MSR1: variants seen among roughly 807,000 people sequenced by gnomAD.
The protein encoded by MSR1 is macrophage scavenger receptor types I and II.
A neutral mutation model predicts 47.2 loss-of-function variants in MSR1; 53 were observed. That is an observed-to-expected ratio of 1.12 (90% CI 0.90 to 1.41). MSR1 has a LOEUF of 1.41. MSR1 is among the 40% of genes most tolerant of loss of function. The pLI, the probability that MSR1 is intolerant of heterozygous loss-of-function variation, is 0.00. For missense variants in MSR1, 786 were observed against 546.9 expected (o/e 1.44, Z -4.36); for synonymous variants, 239 against 185.6 (o/e 1.29, Z -2.34).
rs1801191926 is a variant in MSR1, at chr8:16,162,570, G to A, written c.817+1495C>T. Among the ~76,000 whole-genome samples, 14 of 152,140 alleles carry A rather than the reference G, an allele frequency of 9.2e-5. No individual in the cohort carries two copies. The South Asian group carries it at 2.9e-3, about 32-fold the overall frequency. ...ACCAAGATGGTTGTAGATAAAGAAA[G>A]GCAGATTTATTAACAAAAGCAGGAA... On this transcript the variant is annotated intron_variant, in intron 5 of 9. Transcript: ENST00000262101.
At chr8:16,120,830 ATC>A (rs1799987432) in intron 8 of MSR1, 1 of 584,236 alleles carries the variant, frequency 1.7e-6, no homozygotes, top group African/African-American at 1.9e-5. Context: ...GCAAAATCCA[ATC>A]TGTCTTACAT....
At chr8:16,137,623 C>T (rs1320732596) in intron 8 of MSR1, among the ~76,000 whole-genome samples, 2 of 152,016 alleles carry the variant, frequency 1.3e-5, no homozygotes, top group Non-Finnish European at 2.9e-5. Flanking sequence ...CAGTAAGCCA[C>T]AGTTTATAAT....
In MSR1 at chr8:16,137,432, TTCTCTC is replaced by T. The variant is rs137898381; in HGVS notation, c.1033+6120_1033+6125del. On this transcript the variant is annotated intron_variant, in intron 8 of 9. Coordinates refer to ENST00000262101, the MANE Select transcript of MSR1 (RefSeq NM_138715.3). The stretch of plus-strand genomic sequence containing the variant: ...TTACAAATTTCTTCCTTTTCTGCCT[TTCTCTC>T]TCTCTATCTATCTCTTTCTCTCTTT... Among the ~76,000 whole-genome samples the T allele has an allele frequency of 7.2e-4, 109 of 152,070 alleles. 1 individual carries two copies. The highest frequency in any genetic ancestry group is 1.4e-3 in the Non-Finnish European group (96 of 67,960).
chr8:16,118,391 T>G (rs1013048552), intron 9 of MSR1, among the ~76,000 whole-genome samples: 4 of 152,192 alleles, frequency 2.6e-5, no homozygotes, highest in African/African-American at 9.6e-5. Context: ...AAATGGTCTT[T>G]CATTCTGTGG....
intron 8 of MSR1, chr8:16,120,814 T>C: frequency 1.6e-6 from 1 of 634,700 alleles, no homozygotes; most frequent in South Asian, 2.1e-5. Flanking sequence ...TTAACAGCTG[T>C]TAAGAGCAAA....
intron 3 of MSR1, among the ~76,000 whole-genome samples, chr8:16,174,593 A>G (rs1801585758): frequency 6.6e-6 from 1 of 152,170 alleles, no homozygotes; most frequent in South Asian, 2.1e-4. Flanking sequence ...TTTCTTTGAG[A>G]AGATACTATC....
intron 9 of MSR1, among the ~76,000 whole-genome samples, chr8:16,117,348 G>T (rs1198543264): frequency 6.6e-6 from 1 of 152,150 alleles, no homozygotes; most frequent in African/African-American, 2.4e-5. Flanking sequence ...TGATGCTAGA[G>T]CTGGGGAGCG....
At chr8:16,170,671 A>C (rs533962161) in intron 3 of MSR1, among the ~76,000 whole-genome samples, 53 of 152,296 alleles carry the variant, frequency 3.5e-4, no homozygotes, top group Admixed American at 1.1e-3. Context: ...TGAGAATTAA[A>C]CAACACATGA....
intron 3 of MSR1, among the ~76,000 whole-genome samples, chr8:16,170,964 C>T (rs548963318): frequency 3.5e-4 from 54 of 152,150 alleles, no homozygotes; most frequent in South Asian, 8.3e-4. Context: ...CAGAGTCCAC[C>T]GTATTTACTA....
chr8:16,188,264 T>A (rs1802060168), intron 1 of MSR1, among the ~76,000 whole-genome samples: 1 of 152,098 alleles, frequency 6.6e-6, no homozygotes, highest in Admixed American at 6.6e-5. Context: ...CTTTTTTGTT[T>A]TTATTATAAA....
chr8:16,126,279 T>C (rs2117074544), intron 8 of MSR1, among the ~76,000 whole-genome samples: 1 of 152,276 alleles, frequency 6.6e-6, no homozygotes, highest in South Asian at 2.1e-4. Context: ...ATGTGTCAAT[T>C]ACCACTACTC....
chr8:16,189,454 TATTTTA>T lies in MSR1; in HGVS notation c.-5+3138_-5+3143del, dbSNP rs1310744633. 6.1e-4 allele frequency among the ~76,000 whole-genome samples: 23 copies of T among 37,518 alleles called. 1 individual carries two copies. The highest frequency in any genetic ancestry group is 1.5e-3 in the African/African-American group (8 of 5,190). The allele number at this position is 37,518 out of a possible 152,430, so 24.6% of individuals were successfully genotyped here. On this transcript the variant is annotated intron_variant, in intron 1 of 9. Transcript: ENST00000262101. ...ATCATATTTTATATATATAAAATCT[TATTTTA>T]TATATATTTTATATATTTTATATAT...
At chr8:16,145,444 T>G (rs1292715498) in intron 7 of MSR1, among the ~76,000 whole-genome samples, 1 of 152,168 alleles carries the variant, frequency 6.6e-6, no homozygotes, top group East Asian at 1.9e-4. Flanking sequence ...CAAGCTTAAT[T>G]TCATTATTTC....
intron 8 of MSR1, among the ~76,000 whole-genome samples, chr8:16,128,852 G>A (rs1223538215): frequency 6.6e-6 from 1 of 151,956 alleles, no homozygotes; most frequent in Non-Finnish European, 1.5e-5. Flanking sequence ...AAGTACTTAC[G>A]AAGGACCTAT....
intron 3 of MSR1, among the ~76,000 whole-genome samples, chr8:16,173,112 C>A (rs1184306033): frequency 6.6e-6 from 1 of 152,114 alleles, no homozygotes. Context: ...AAAATTTGAA[C>A]ATTCTTAGTG....
At chr8:16,188,829 A>G (rs1802075889) in intron 1 of MSR1, among the ~76,000 whole-genome samples, 1 of 151,918 alleles carries the variant, frequency 6.6e-6, no homozygotes, top group Admixed American at 6.6e-5. Context: ...TGTCCCTGCA[A>G]AGGACATCAA....
intron 1 of MSR1, among the ~76,000 whole-genome samples, chr8:16,180,973 A>G (rs1260627502): frequency 6.6e-6 from 1 of 152,122 alleles, no homozygotes; most frequent in Non-Finnish European, 1.5e-5. Flanking sequence ...GGCAAAGCAA[A>G]ATAAATAAAC....
At chr8:16,187,255 CAGAAGGCTGAGACAGG>C (rs1802028566) in intron 1 of MSR1, among the ~76,000 whole-genome samples, 1 of 145,612 alleles carries the variant, frequency 6.9e-6, no homozygotes, top group African/African-American at 2.5e-5. Flanking sequence ...CCCAGCTACT[CAGAAGGCTGAGACAGG>C]AGAATTGCTT....
intron 9 of MSR1, among the ~76,000 whole-genome samples, chr8:16,117,139 G>T (rs1314779777): frequency 1.3e-5 from 2 of 152,226 alleles, no homozygotes; most frequent in Admixed American, 1.3e-4. Context: ...GCAGGTGAGT[G>T]AGCAAAGCTT....
Sources: gnomAD v4.1 joint callset for allele counts (sites outside exome capture counted in the v4.1 genomes callset) on GRCh38, gnomAD v4.1.1 for gene constraint, MANE v1.5 for transcripts, NCBI Gene and HGNC (gene_info 2026-07-23, HGNC 2026-07-21) for gene names.